The following STARD13 variants were observed in gnomAD, a reference collection of about 807,000 sequenced individuals.
STARD13 encodes the protein StAR related lipid transfer domain containing 13.
In STARD13, 62 loss-of-function variants were observed where a neutral mutation model predicts 106.4. The observed-to-expected ratio is 0.58, with a 90% CI of 0.48 to 0.72. STARD13 has a LOEUF of 0.72. Among genes scored for constraint, STARD13 ranks in the 30% least tolerant of loss-of-function variants. The pLI, the probability that STARD13 is intolerant of heterozygous loss-of-function variation, is 0.00. For missense variants in STARD13, 1,387 were observed against 1,424.0 expected (o/e 0.97, Z 0.42); for synonymous variants, 565 against 553.0 (o/e 1.02, Z -0.31).
intron 1 of STARD13, among the ~76,000 whole-genome samples, chr13:33,282,867 A>G (rs1290020128): frequency 2.0e-5 from 3 of 152,028 alleles, no homozygotes; most frequent in Non-Finnish European, 4.4e-5. Context: ...TCTCTATAAA[A>G]AAGTTTTAAA....
chr13:33,660,025 A>G, the STARD13 span: 1 of 152,224 alleles, frequency 6.6e-6, no homozygotes, highest in Non-Finnish European at 1.5e-5. Flanking sequence ...CCATGTTTGA[A>G]TAGAGAGTTT....
chr13:33,349,182 C>T (rs1374147262), exon 2 of STARD13: 2 of 702,374 alleles, frequency 2.8e-6, no homozygotes, highest in South Asian at 1.5e-5. Context: ...TCTTCTGCCC[C>T]ATGTGGTGGT....
intron 1 of STARD13, among the ~76,000 whole-genome samples, chr13:33,211,958 G>T (rs968699011): frequency 6.6e-6 from 1 of 152,122 alleles, no homozygotes; most frequent in Non-Finnish European, 1.5e-5. Context: ...GCTTTTCACT[G>T]AAACAGAATC....
At chr13:33,229,983 C>G (rs1443510345) in intron 1 of STARD13, among the ~76,000 whole-genome samples, 1 of 152,198 alleles carries the variant, frequency 6.6e-6, no homozygotes, top group Non-Finnish European at 1.5e-5. Context: ...GTGAATCCCA[C>G]AGCTGTTGTG....
chr13:33,526,786 G>C, the STARD13 span, among the ~76,000 whole-genome samples: 1 of 152,208 alleles, frequency 6.6e-6, no homozygotes, highest in Middle Eastern at 3.4e-3. Flanking sequence ...ACTAAGTGAG[G>C]AGTTAATATT....
intron 1 of STARD13, chr13:33,274,090 G>GTT (rs1891294749): frequency 2.2e-4 from 3 of 13,610 alleles, no homozygotes; most frequent in Admixed American, 2.6e-3. Context: ...AAATCAGTCT[G>GTT]TCTTTTTTTT....
In STARD13 at chr13:33,110,780, T is replaced by A. The variant is rs1268590373; in HGVS notation, c.2735A>T (p.His912Leu). 6.2e-7 allele frequency: 1 copy of A among 1,614,220 alleles called. No homozygotes were observed. Among genetic ancestry groups the A allele is most frequent in the Non-Finnish European group, 8.5e-7 (1 of 1,180,028 alleles). ...TTCTTTCTGGAGGCCCTGGATGAGA[T>A]GGTTCAGGTAAGTGTGGAAAGTTGC... ...SGATFHTYLNHLIQGLQKEAK... is the reference protein window; with the variant it reads ...SGATFHTYLNLLIQGLQKEAK... The change falls in exon 11 of 14, where the codon CAT (histidine) becomes CTT (leucine). Residue 912 changes from histidine (H) to leucine (L), a missense_variant. Transcript: ENST00000336934.
At chr13:33,600,735 C>A in the STARD13 span, among the ~76,000 whole-genome samples, 1 of 152,038 alleles carries the variant, frequency 6.6e-6, no homozygotes. Flanking sequence ...AATTATAAAT[C>A]AGCTTTTTAA....
chr13:33,270,821 C>T (rs550522875), intron 1 of STARD13, among the ~76,000 whole-genome samples: 1 of 152,240 alleles, frequency 6.6e-6, no homozygotes, highest in Admixed American at 6.5e-5. Context: ...GTTTAGGCTG[C>T]TTATAATGGA....
chr13:33,446,975 A>C, the STARD13 span, among the ~76,000 whole-genome samples: 1 of 152,202 alleles, frequency 6.6e-6, no homozygotes, highest in African/African-American at 2.4e-5. Flanking sequence ...TAAAGAGGCT[A>C]CTTGTTCTCT....
chr13:33,174,045 A>G (rs994388300), intron 1 of STARD13, among the ~76,000 whole-genome samples: 2 of 152,168 alleles, frequency 1.3e-5, no homozygotes, highest in African/African-American at 4.8e-5. Flanking sequence ...TTCATAGCAA[A>G]TCTAGTCACT....
chr13:33,337,544 C>T (rs2077910486), intron 1 of STARD13, among the ~76,000 whole-genome samples: 1 of 152,162 alleles, frequency 6.6e-6, no homozygotes, highest in South Asian at 2.1e-4. Context: ...ATATTATTGC[C>T]TTACTTTATA....
At chr13:33,542,178 A>C in the STARD13 span, among the ~76,000 whole-genome samples, 1 of 152,142 alleles carries the variant, frequency 6.6e-6, no homozygotes. Flanking sequence ...TGCCTTTTTT[A>C]TTCCTTGTGA....
At chr13:33,252,094 G>A (rs1890119630) in intron 1 of STARD13, among the ~76,000 whole-genome samples, 1 of 152,040 alleles carries the variant, frequency 6.6e-6, no homozygotes, top group Non-Finnish European at 1.5e-5. Context: ...ATGATAAATG[G>A]CCCTCTGGCA....
At chr13:33,302,501 G>T (rs1427895894) in intron 1 of STARD13, among the ~76,000 whole-genome samples, 2 of 151,942 alleles carry the variant, frequency 1.3e-5, no homozygotes, top group African/African-American at 2.4e-5. Flanking sequence ...CTGAAGCCTT[G>T]ACCTCCCTGG....
chr13:33,441,393 C>G, the STARD13 span, among the ~76,000 whole-genome samples: 4 of 152,126 alleles, frequency 2.6e-5, no homozygotes, highest in Non-Finnish European at 4.4e-5. Flanking sequence ...CCTCATTACT[C>G]TAAGAATAAA....
At chr13:33,160,030 A>C (rs1159142944) in intron 3 of STARD13, among the ~76,000 whole-genome samples, 3 of 152,216 alleles carry the variant, frequency 2.0e-5, no homozygotes, top group Non-Finnish European at 2.9e-5. Flanking sequence ...TAGCCAAAGC[A>C]GACAAAGAAG....
At chr13:33,321,652 G>T (rs755646251) in intron 1 of STARD13, among the ~76,000 whole-genome samples, 61 of 152,140 alleles carry the variant, frequency 4.0e-4, no homozygotes, top group Non-Finnish European at 6.5e-4. Flanking sequence ...GAAAACTGAG[G>T]TCGAGTGGTG....
At chr13:33,157,851 C>T (rs1882166925) in intron 3 of STARD13, among the ~76,000 whole-genome samples, 1 of 152,206 alleles carries the variant, frequency 6.6e-6, no homozygotes, top group South Asian at 2.1e-4. Context: ...ACTCTGTAAA[C>T]TATTTTAACA....
Sources: allele counts gnomAD v4.1 joint callset (sites outside exome capture counted in the v4.1 genomes callset), GRCh38; gene constraint gnomAD v4.1.1; transcripts MANE v1.5; gene names NCBI Gene and HGNC (gene_info 2026-07-23, HGNC 2026-07-21).